The following NFS1 variants were observed in gnomAD, a reference collection of about 807,000 sequenced individuals.
The protein encoded by NFS1 is cysteine desulfurase.
A neutral mutation model predicts 57.3 loss-of-function variants in NFS1; 26 were observed. That is an observed-to-expected ratio of 0.45 (90% CI 0.33 to 0.63). NFS1 has a LOEUF of 0.63. Among genes scored for constraint, NFS1 ranks in the 20% least tolerant of loss-of-function variants. The pLI, the probability that NFS1 is intolerant of heterozygous loss-of-function variation, is 0.02. For missense variants in NFS1, 505 were observed against 605.8 expected, an observed-to-expected ratio of 0.83 and a Z score of 1.75; for synonymous variants, 209 against 216.3, an observed-to-expected ratio of 0.97 and a Z score of 0.30.
At chr20:35,688,450 G>A (rs773022551) in intron 5 of NFS1, among the ~76,000 whole-genome samples, 8 of 151,896 alleles carry the variant, frequency 5.3e-5, no homozygotes, top group South Asian at 2.1e-4. Flanking sequence ...CTTGCTGCTC[G>A]GTAGGCTAAG....
intron 6 of NFS1, 112 bp from the exon 7 acceptor site, chr20:35,680,983 T>A (rs1202510232): frequency 1.2e-6 from 1 of 864,658 alleles, no homozygotes; most frequent in African/African-American, 1.8e-5. Flanking sequence ...AATATTAAAC[T>A]CCTCCCCTCC....
At chr20:35,671,047 T>C (rs923379478) in intron 12 of NFS1, among the ~76,000 whole-genome samples, 12 of 152,206 alleles carry the variant, frequency 7.9e-5, no homozygotes, top group Non-Finnish European at 1.8e-4. Context: ...GCTCTGTGGC[T>C]ACTAGGGGAA....
chr20:35,669,471 C>A lies in NFS1; in HGVS notation c.*151G>T. ...ACTGAAGCTAGGGAAAGACAGTTTT[C>A]TTGTGTTTCTGTCATAGAGGTGGAC... On this transcript the variant is annotated 3_prime_UTR_variant, in exon 13 of 13. Transcript: ENST00000374092. 2 of 677,534 alleles carry A rather than the reference C, an allele frequency of 3.0e-6. No individual in the cohort carries two copies. Among genetic ancestry groups the A allele is most frequent in the Admixed American group, 4.5e-5 (2 of 44,228 alleles). The allele number at this position is 677,534 out of a possible 1,614,324, so 42.0% of individuals were successfully genotyped here. A position where few individuals can be genotyped will look rare whatever the true frequency, so the allele number is the denominator to read the frequency against.
At chr20:35,685,856 AC>A (rs1188366433) in intron 5 of NFS1, among the ~76,000 whole-genome samples, 7 of 103,266 alleles carry the variant, frequency 6.8e-5, no homozygotes, top group African/African-American at 2.0e-4. Context: ...GAAATTCAGT[AC>A]CCCCCCGCAA....
chr20:35,675,233 A>C (rs540671408), intron 7 of NFS1, 31 bp from the exon 8 acceptor site: 1 of 1,559,418 alleles, frequency 6.4e-7, no homozygotes. Flanking sequence ...CAAAAAACAG[A>C]AAGAGAGAAA....
At chr20:35,690,674 A>G (rs1357835433) in intron 4 of NFS1, 109 bp from the exon 5 acceptor site, 1 of 1,039,138 alleles carries the variant, frequency 9.6e-7, no homozygotes, top group Non-Finnish European at 1.5e-6. Flanking sequence ...CTCCAACACC[A>G]GTTCTCTCAT....
At position 35,699,230 on chromosome 20, in the gene NFS1, G is replaced by A. The variant is rs1601541477; in HGVS notation, c.59C>T (p.Pro20Leu). The A allele has an allele frequency of 2.1e-6, 3 of 1,429,528 alleles. No homozygotes were observed. In the East Asian group the frequency reaches 8.8e-5, roughly 42 times the overall value. The allele number at this position is 1,429,528 out of a possible 1,614,324, so 88.6% of individuals were successfully genotyped here. A position where few individuals can be genotyped will look rare whatever the true frequency, so the allele number is the denominator to read the frequency against. ...AAVAVTAAPG[P>L]KPAAPTRGLR... ...CCCCCGAGTGGGCGCCGCGGGCTTC[G>A]GCCCTGGAGCCGCTGTCACCGCCAC... is the stretch of plus-strand genomic sequence containing the variant. Residue 20 changes from proline to leucine, a missense_variant, in exon 1 of 13, where the codon CCG becomes CTG. By Grantham distance (98) the Pro-to-Leu change is moderately conservative (BLOSUM62 -3). Transcript: ENST00000374092. This position sits in a 1 kb window ranked among gnomAD's most constrained non-coding sequence, Gnocchi z 4.4.
chr20:35,685,926 T>C (rs2034933343), intron 5 of NFS1, among the ~76,000 whole-genome samples: 1 of 147,252 alleles, frequency 6.8e-6, no homozygotes, highest in South Asian at 2.1e-4. Context: ...TCAAAATGAA[T>C]TCTTTCTTTA....
Position 35,699,050 on chromosome 20 carries a change from A to C in NFS1, c.97+142T>G, listed in dbSNP as rs1568968516. On this transcript the variant is annotated intron_variant, in intron 1 of 12. Transcript: ENST00000374092. This position sits in a 1 kb window ranked among gnomAD's most constrained non-coding sequence, Gnocchi z 4.4. ...TCAACCGTTCGGGGACCCGCCTAAGAAAGTTTGAGGGATGTGTCATTTGAG... is the reference window on the plus strand; with the variant it reads ...TCAACCGTTCGGGGACCCGCCTAAGCAAGTTTGAGGGATGTGTCATTTGAG... 1 of 1,318,570 alleles carries C rather than the reference A, an allele frequency of 7.6e-7. No homozygotes were observed. Among genetic ancestry groups the C allele is most frequent in the South Asian group, 2.1e-5 (1 of 46,790 alleles). The allele number at this position is 1,318,570 out of a possible 1,614,324, so 81.7% of individuals were successfully genotyped here. A position where few individuals can be genotyped will look rare whatever the true frequency, so the allele number is the denominator to read the frequency against.
chr20:35,688,628 G>A (rs1316097753), intron 5 of NFS1, among the ~76,000 whole-genome samples: 1 of 151,988 alleles, frequency 6.6e-6, no homozygotes, highest in African/African-American at 2.4e-5. Context: ...AGTGAGCTAT[G>A]AGCCCAGAAG....
chr20:35,693,721 C>T (rs1013861758), intron 4 of NFS1, among the ~76,000 whole-genome samples: 1 of 152,018 alleles, frequency 6.6e-6, no homozygotes, highest in Admixed American at 6.6e-5. Flanking sequence ...ACCAGCACTT[C>T]GGTTGGCCAA....
chr20:35,682,613 AC>A (rs1480231768), intron 5 of NFS1: 1 of 151,638 alleles, frequency 6.6e-6, no homozygotes, highest in African/African-American at 2.4e-5. Flanking sequence ...ACAAGGAGAA[AC>A]CCTGTCTCTA....
intron 4 of NFS1, chr20:35,695,022 ATTTC>A (rs1038700293): frequency 8.5e-5 from 13 of 152,158 alleles, no homozygotes; most frequent in African/African-American, 2.7e-4. Flanking sequence ...CATGATGTAG[ATTTC>A]TTTAACAATT....
rs535035529 is a variant in NFS1 at position 35,676,474 on chromosome 20, T to C, written c.791-1272A>G. Among the ~76,000 whole-genome samples, 520 of 151,656 alleles carry C rather than the reference T, an allele frequency of 3.4e-3. 3 individuals are homozygous for C. The highest frequency in any genetic ancestry group is 0.012 in the African/African-American group (505 of 41,300). ...GGTGGCACGCACCTGTAATCCCAGC[T>C]ACTCAGGAGGCTGAGGCAGGAGAAT... is the stretch of plus-strand genomic sequence containing the variant. On this transcript the variant is annotated intron_variant, in intron 7 of 12. Coordinates refer to ENST00000374092, the MANE Select transcript of NFS1 (RefSeq NM_021100.5).
At chr20:35,682,966 T>C (rs1393029695) in intron 5 of NFS1, among the ~76,000 whole-genome samples, 1 of 150,878 alleles carries the variant, frequency 6.6e-6, no homozygotes, top group Non-Finnish European at 1.5e-5. Context: ...TAGTCCCAGC[T>C]ACTTGGGAGA....
Position 35,696,358 on chromosome 20 carries a change from T to C in NFS1, c.408+19A>G. On this transcript the variant is annotated intron_variant, in intron 4 of 12. Transcript: ENST00000374092. The stretch of plus-strand genomic sequence containing the variant: ...AGGTCAGGAAAGCCCACATACACCC[T>C]CTGGTTCCCTTCTCTTACCTTAATT... 1 of 1,573,992 alleles carries C rather than the reference T, an allele frequency of 6.4e-7. No homozygotes were observed. The highest frequency in any genetic ancestry group is 8.7e-7 in the Non-Finnish European group (1 of 1,143,270).
intron 12 of NFS1, among the ~76,000 whole-genome samples, chr20:35,671,145 C>A (rs779343630): frequency 6.6e-6 from 1 of 152,194 alleles, no homozygotes; most frequent in Non-Finnish European, 1.5e-5. Flanking sequence ...GCTCTGTCGC[C>A]CAGGCTGGAG....
intron 7 of NFS1, among the ~76,000 whole-genome samples, chr20:35,677,759 T>A (rs1169786503): frequency 6.6e-6 from 1 of 152,138 alleles, no homozygotes; most frequent in Non-Finnish European, 1.5e-5. Context: ...CCAAATCGAT[T>A]ATGAAGGACA....
At chr20:35,687,371 C>T (rs905064318) in intron 5 of NFS1, among the ~76,000 whole-genome samples, 1 of 152,196 alleles carries the variant, frequency 6.6e-6, no homozygotes, top group Non-Finnish European at 1.5e-5. Context: ...TACTAAAAGT[C>T]TCTGATAAGC....
Sources: gnomAD v4.1 joint callset for allele counts (sites outside exome capture counted in the v4.1 genomes callset) on GRCh38, gnomAD v4.1.1 for gene constraint, Gnocchi (gnomAD v3.1) non-coding constraint, MANE v1.5 for transcripts, NCBI Gene and HGNC (gene_info 2026-07-23, HGNC 2026-07-21) for gene names.